Variants in ELAPOR1 observed in about 807,000 individuals in gnomAD.
The protein encoded by ELAPOR1 is endosome/lysosome-associated apoptosis and autophagy regulator 1.
In ELAPOR1, 77 loss-of-function variants were observed where a neutral mutation model predicts 119.7. The ratio of observed to expected loss-of-function variants is 0.64; its 90% CI spans 0.54 to 0.78. ELAPOR1 has a LOEUF of 0.78. Ranked by LOEUF, ELAPOR1 falls within the 30% of genes least tolerant of loss-of-function variation. ELAPOR1 has a pLI of 0.00. For missense variants in ELAPOR1, 1,115 were observed against 1,270.4 expected (o/e 0.88, Z 1.86); for synonymous variants, 481 against 487.2 (o/e 0.99, Z 0.17).
At chr1:109,201,281 A>G (rs1000655229) in intron 21 of ELAPOR1, 3 of 456,212 alleles carry the variant, frequency 6.6e-6, no homozygotes, top group African/African-American at 6.0e-5. Context: ...GATAGAAGTC[A>G]GGCTCTCCTT....
chr1:109,188,229 AG>A lies in ELAPOR1; in HGVS notation c.1099del (p.Ala367GlnfsTer2), dbSNP rs1024242630. 3 of 1,613,876 alleles carry A rather than the reference AG, an allele frequency of 1.9e-6. No homozygotes were observed. Among genetic ancestry groups the A allele is most frequent in the African/African-American group, 2.7e-5 (2 of 74,942 alleles). The stretch of plus-strand genomic sequence containing the variant: ...CCGAAAATCTGTAGCGAGGACCTTG[AG>A]GGGGCAGTGAAGCTGCCTGCCTCTG... ...AKPKICSEDL[E>X]GAVKLPASGV... On this transcript the variant is annotated frameshift_variant, in exon 9 of 22. Coordinates refer to ENST00000369939, the MANE Select transcript of ELAPOR1 (RefSeq NM_020775.5). LOFTEE classifies it high-confidence loss of function.
intron 8 of ELAPOR1, among the ~76,000 whole-genome samples, chr1:109,185,944 C>A (rs368358250): frequency 3.7e-4 from 57 of 152,232 alleles, no homozygotes; most frequent in African/African-American, 1.1e-3. Flanking sequence ...GCTAGGCATG[C>A]ATCACTTAAC....
intron 1 of ELAPOR1, among the ~76,000 whole-genome samples, chr1:109,120,395 T>TTAAAATAAAA (rs111497710): frequency 0.043 from 6,353 of 147,868 alleles, 470 homozygotes; most frequent in African/African-American, 0.15. Flanking sequence ...AGACTCTGTC[T>TTAAAATAAAA]TAAAATAAAA....
intron 1 of ELAPOR1, among the ~76,000 whole-genome samples, chr1:109,145,844 T>C (rs1650144092): frequency 6.6e-6 from 1 of 152,082 alleles, no homozygotes; most frequent in Non-Finnish European, 1.5e-5. Flanking sequence ...CTAATTTTTG[T>C]ACTTTTTGTA....
chr1:109,122,386 T>C (rs1648492672), intron 1 of ELAPOR1, among the ~76,000 whole-genome samples: 1 of 144,158 alleles, frequency 6.9e-6, no homozygotes, highest in Non-Finnish European at 1.5e-5. Context: ...AGGCAGGATG[T>C]AGTGGCTCGT....
intron 7 of ELAPOR1, among the ~76,000 whole-genome samples, chr1:109,184,798 G>A (rs1249732486): frequency 6.6e-6 from 1 of 152,218 alleles, no homozygotes; most frequent in African/African-American, 2.4e-5. Context: ...GCGGGGGACG[G>A]GAAGCGGCAA....
At chr1:109,116,639 T>A (rs1431142299) in intron 1 of ELAPOR1, among the ~76,000 whole-genome samples, 1 of 150,898 alleles carries the variant, frequency 6.6e-6, no homozygotes, top group Non-Finnish European at 1.5e-5. Flanking sequence ...CAACCCCAAA[T>A]GGTGAAAAAC....
intron 1 of ELAPOR1, among the ~76,000 whole-genome samples, chr1:109,122,563 A>G (rs915101727): frequency 6.6e-6 from 1 of 151,836 alleles, no homozygotes; most frequent in African/African-American, 2.4e-5. Context: ...AGGGAGACTG[A>G]GGTGGGAGGT....
chr1:109,191,362 A>G lies in ELAPOR1; in HGVS notation c.1440-4A>G. 1 of 1,611,710 alleles carries G rather than the reference A, an allele frequency of 6.2e-7. No individual in the cohort carries two copies. On this transcript the variant is annotated splice_region_variant and splice_polypyrimidine_tract_variant and intron_variant, in intron 11 of 21. Transcript: ENST00000369939. ...GAACTGACTTTTAATTTCTGCCCCT[A>G]CAGACCTCCGCAGTCGGTGATGGCA... is the stretch of plus-strand genomic sequence containing the variant.
At chr1:109,157,281 T>A (rs1024640584) in intron 1 of ELAPOR1, among the ~76,000 whole-genome samples, 2 of 152,172 alleles carry the variant, frequency 1.3e-5, no homozygotes, top group South Asian at 4.1e-4. Flanking sequence ...CCTGGCTGTG[T>A]GGCTTTGAGC....
Position 109,183,356 on chromosome 1 carries a change from A to G in ELAPOR1, c.953-1689A>G, listed in dbSNP as rs1558057671. Among the ~76,000 whole-genome samples, 6 of 8,982 alleles carry G rather than the reference A, an allele frequency of 6.7e-4. 1 individual carries two copies. The highest frequency in any genetic ancestry group is 1.3e-3 in the African/African-American group (6 of 4,544). 5.9% of individuals were successfully genotyped at this position (8,982 alleles called of 152,430 possible). A position where few individuals can be genotyped will look rare whatever the true frequency, so the allele number is the denominator to read the frequency against. On this transcript the variant is annotated intron_variant, in intron 7 of 21. Transcript: ENST00000369939. ...AAAAAAAAAAAAAAAAAACAAAAAA[A>G]AGAGAGAGAGAGAGAAAAGAAAACA...
intron 3 of ELAPOR1, among the ~76,000 whole-genome samples, chr1:109,170,861 G>A (rs1465939798): frequency 6.6e-6 from 1 of 152,066 alleles, no homozygotes; most frequent in Non-Finnish European, 1.5e-5. Flanking sequence ...CCGTGGACAG[G>A]GTGGATAGAG....
intron 1 of ELAPOR1, among the ~76,000 whole-genome samples, chr1:109,137,153 C>T (rs1649523860): frequency 1.3e-5 from 2 of 152,098 alleles, no homozygotes; most frequent in South Asian, 2.1e-4. Context: ...CCATGTCACT[C>T]TGGAGGGGTA....
intron 11 of ELAPOR1, 48 bp downstream of exon 11, chr1:109,189,730 C>T (rs764738651): frequency 1.8e-5 from 25 of 1,416,182 alleles, no homozygotes; most frequent in Non-Finnish European, 2.2e-5. Context: ...TGGCCATATC[C>T]GAATCCCACG....
intron 8 of ELAPOR1, chr1:109,187,382 T>G: frequency 6.1e-6 from 6 of 985,800 alleles, no homozygotes; most frequent in Non-Finnish European, 7.2e-6. Flanking sequence ...CCCCATCAGT[T>G]AAGGCAGTCT....
intron 13 of ELAPOR1, 79 bp from the exon 14 acceptor site, chr1:109,192,532 C>T (rs1343868230): frequency 2.8e-6 from 4 of 1,427,866 alleles, no homozygotes; most frequent in South Asian, 2.6e-5. Context: ...AGATTAAGTA[C>T]CTTGCTCTTT....
At chr1:109,136,994 G>A (rs1222031914) in intron 1 of ELAPOR1, among the ~76,000 whole-genome samples, 1 of 152,124 alleles carries the variant, frequency 6.6e-6, no homozygotes, top group East Asian at 1.9e-4. Context: ...AGGATTAGGG[G>A]CCATATCACA....
chr1:109,169,886 AG>A (rs933642167), intron 3 of ELAPOR1, among the ~76,000 whole-genome samples: 1 of 152,260 alleles, frequency 6.6e-6, no homozygotes, highest in African/African-American at 2.4e-5. Context: ...CTAAGGAGAC[AG>A]GAACACAGCA....
At chr1:109,162,549 G>A (rs772767918) in intron 2 of ELAPOR1, among the ~76,000 whole-genome samples, 8 of 152,260 alleles carry the variant, frequency 5.3e-5, no homozygotes, top group Admixed American at 6.5e-5. Context: ...CCCAGCACCC[G>A]CCTCTGTGAC....
Sources: gnomAD v4.1 joint callset for allele counts (sites outside exome capture counted in the v4.1 genomes callset) on GRCh38, gnomAD v4.1.1 for gene constraint, MANE v1.5 for transcripts, NCBI Gene and HGNC (gene_info 2026-07-23, HGNC 2026-07-21) for gene names.